PLCB1: variants seen among roughly 807,000 people sequenced by gnomAD.
PLCB1 encodes the protein 1-phosphatidylinositol 4,5-bisphosphate phosphodiesterase beta-1.
Under a neutral mutation model 161.8 loss-of-function variants are expected in PLCB1, and 46 were observed. The ratio of observed to expected loss-of-function variants is 0.28; its 90% CI spans 0.22 to 0.36. The LOEUF (loss-of-function observed/expected upper bound fraction) is 0.36. PLCB1 is among the 10% of genes least tolerant of loss of function. The pLI is 1.00. For synonymous variants in PLCB1, 517 were observed against 503.7 expected, an observed-to-expected ratio of 1.03 and a Z score of -0.35; for missense variants, 1,016 against 1,472.5, an observed-to-expected ratio of 0.69 and a Z score of 5.07.
intron 2 of PLCB1, among the ~76,000 whole-genome samples, chr20:8,337,768 G>A (rs929901491): frequency 6.6e-6 from 1 of 152,184 alleles, no homozygotes; most frequent in Non-Finnish European, 1.5e-5. Flanking sequence ...TAAAAGACAA[G>A]TGGAAATAAG....
At chr20:8,624,736 T>G (rs896473962) in intron 3 of PLCB1, among the ~76,000 whole-genome samples, 14 of 152,288 alleles carry the variant, frequency 9.2e-5, no homozygotes, top group South Asian at 4.1e-4. Context: ...GCAACAGACA[T>G]GAAGTAATTT....
chr20:8,564,136 C>T (rs1986244715), intron 3 of PLCB1, among the ~76,000 whole-genome samples: 1 of 151,996 alleles, frequency 6.6e-6, no homozygotes, highest in Non-Finnish European at 1.5e-5. Context: ...GGTACTGGTA[C>T]CAAAACAGAT....
intron 3 of PLCB1, among the ~76,000 whole-genome samples, chr20:8,509,322 C>T (rs1044544807): frequency 1.3e-5 from 2 of 152,124 alleles, no homozygotes; most frequent in Non-Finnish European, 2.9e-5. Flanking sequence ...CACAGGAGAG[C>T]GCATCCGAGC....
chr20:8,228,227 A>T (rs1352276643), intron 2 of PLCB1, among the ~76,000 whole-genome samples: 3 of 152,044 alleles, frequency 2.0e-5, no homozygotes, highest in Non-Finnish European at 4.4e-5. Flanking sequence ...CAATCGGCCC[A>T]TACAATTTTT....
At chr20:8,334,404 T>A (rs752172716) in intron 2 of PLCB1, among the ~76,000 whole-genome samples, 1 of 152,172 alleles carries the variant, frequency 6.6e-6, no homozygotes, top group Non-Finnish European at 1.5e-5. Context: ...TTTACTATAA[T>A]CACTAGCAAA....
intron 31 of PLCB1, among the ~76,000 whole-genome samples, chr20:8,869,395 C>A (rs1009816775): frequency 6.6e-6 from 1 of 152,144 alleles, no homozygotes; most frequent in Non-Finnish European, 1.5e-5. Flanking sequence ...TATTCCAGTG[C>A]TGACATAAAA....
Position 8,848,721 on chromosome 20 carries a change from G to A in PLCB1, c.3424-32901G>A, listed in dbSNP as rs77643111. Among the ~76,000 whole-genome samples, 658 of 152,336 alleles carry A rather than the reference G, an allele frequency of 4.3e-3. 9 individuals carry two copies. Among genetic ancestry groups the A allele is most frequent in the African/African-American group, 0.014 (594 of 41,572 alleles). ...GCTGGGGGGCCATGAGGGCCCAAGGGATGGGCCTGTCTTGCCCACATCTGG... is the reference window on the plus strand; with the variant it reads ...GCTGGGGGGCCATGAGGGCCCAAGGAATGGGCCTGTCTTGCCCACATCTGG... On this transcript the variant is annotated intron_variant, in intron 31 of 31. Coordinates refer to ENST00000338037, the MANE Select transcript of PLCB1 (RefSeq NM_015192.4).
intron 2 of PLCB1, among the ~76,000 whole-genome samples, chr20:8,222,108 A>G (rs1568595689): frequency 6.6e-6 from 1 of 152,164 alleles, no homozygotes; most frequent in Non-Finnish European, 1.5e-5. Flanking sequence ...AGTGTTTATA[A>G]TTTGGCTTCA....
At chr20:8,624,605 T>G (rs538068093) in intron 3 of PLCB1, among the ~76,000 whole-genome samples, 1 of 152,228 alleles carries the variant, frequency 6.6e-6, no homozygotes, top group Non-Finnish European at 1.5e-5. Flanking sequence ...CAGTAACACA[T>G]GCTGTAATTG....
At chr20:8,607,215 C>T (rs1459030587) in intron 3 of PLCB1, among the ~76,000 whole-genome samples, 4 of 152,144 alleles carry the variant, frequency 2.6e-5, no homozygotes, top group Non-Finnish European at 5.9e-5. Flanking sequence ...TCTCCATAGA[C>T]CTCACATTAG....
intron 3 of PLCB1, among the ~76,000 whole-genome samples, chr20:8,376,424 C>T (rs1987081699): frequency 6.6e-6 from 1 of 152,114 alleles, no homozygotes; most frequent in African/African-American, 2.4e-5. Context: ...CTAATCTCTA[C>T]ATAAACATGA....
chr20:8,694,171 AAG>A (rs1990537632), intron 10 of PLCB1, among the ~76,000 whole-genome samples: 1 of 152,238 alleles, frequency 6.6e-6, no homozygotes, highest in Non-Finnish European at 1.5e-5. Context: ...TAAGGCAGAA[AAG>A]AGAGTAACAG....
intron 3 of PLCB1, among the ~76,000 whole-genome samples, chr20:8,422,021 G>A (rs1979557077): frequency 6.6e-6 from 1 of 152,216 alleles, no homozygotes; most frequent in South Asian, 2.1e-4. Context: ...CCTGCAAATA[G>A]TATTTGCACA....
At chr20:8,594,353 T>C (rs769621269) in intron 3 of PLCB1, among the ~76,000 whole-genome samples, 1 of 152,176 alleles carries the variant, frequency 6.6e-6, no homozygotes, top group Non-Finnish European at 1.5e-5. Flanking sequence ...GTTTGGTCCA[T>C]GGTGTTCCTG....
intron 9 of PLCB1, among the ~76,000 whole-genome samples, chr20:8,676,711 C>T (rs1345340886): frequency 6.6e-6 from 1 of 152,182 alleles, no homozygotes; most frequent in Non-Finnish European, 1.5e-5. Context: ...TTTTCAAGCA[C>T]AGCAAACACA....
chr20:8,412,921 T>C lies in PLCB1; in HGVS notation c.246+41471T>C, dbSNP rs193170194. 1.6e-3 allele frequency among the ~76,000 whole-genome samples: 239 copies of C among 151,346 alleles called. 1 individual carries two copies. The highest frequency in any genetic ancestry group is 2.5e-3 in the Non-Finnish European group (168 of 67,896). ...TTGTTTTTCTTTTTATATGTTTCAG[T>C]ATTTCCTAAAATTTCTTTCATGATC... On this transcript the variant is annotated intron_variant, in intron 3 of 31. Coordinates refer to ENST00000338037, the MANE Select transcript of PLCB1 (RefSeq NM_015192.4).
At chr20:8,679,371 T>C (rs1990161691) in intron 9 of PLCB1, among the ~76,000 whole-genome samples, 1 of 152,206 alleles carries the variant, frequency 6.6e-6, no homozygotes, top group African/African-American at 2.4e-5. Context: ...GGGCTCCCTT[T>C]TCTGGATACA....
chr20:8,421,203 G>A (rs1276374829), intron 3 of PLCB1, among the ~76,000 whole-genome samples: 1 of 152,166 alleles, frequency 6.6e-6, no homozygotes, highest in Non-Finnish European at 1.5e-5. Flanking sequence ...ATGTGACAAA[G>A]TTTTGTATGT....
chr20:8,480,296 C>A (rs966433026), intron 3 of PLCB1, among the ~76,000 whole-genome samples: 1 of 93,054 alleles, frequency 1.1e-5, no homozygotes, highest in African/African-American at 3.9e-5. Flanking sequence ...TCCACCACCA[C>A]AAAATGGAGA....
Sources: allele counts gnomAD v4.1 joint callset (sites outside exome capture counted in the v4.1 genomes callset), GRCh38; gene constraint gnomAD v4.1.1; transcripts MANE v1.5; gene names NCBI Gene and HGNC (gene_info 2026-07-23, HGNC 2026-07-21).